The following DISC1 variants were observed in gnomAD, a reference collection of about 807,000 sequenced individuals.
DISC1 encodes DISC1 scaffold protein.
DISC1 carries 57 observed loss-of-function variants against 84.5 expected under a neutral mutation model. The observed-to-expected ratio is 0.67, with a 90% CI of 0.55 to 0.84. The LOEUF is 0.84. Among genes scored for constraint, DISC1 ranks in the 40% least tolerant of loss-of-function variants. The pLI is 0.00. For missense variants in DISC1, 1,000 were observed against 1,057.8 expected, an observed-to-expected ratio of 0.95 and a Z score of 0.76; for synonymous variants, 411 against 415.2, an observed-to-expected ratio of 0.99 and a Z score of 0.12.
At chr1:231,959,958 C>T (rs1660152057) in intron 10 of DISC1, among the ~76,000 whole-genome samples, 8 of 152,142 alleles carry the variant, frequency 5.3e-5, no homozygotes, top group Non-Finnish European at 1.5e-5. Context: ...TAGCCATCAG[C>T]ACAGCACACA....
intron 6 of DISC1, among the ~76,000 whole-genome samples, chr1:231,777,749 G>A (rs1482932794): frequency 6.6e-6 from 1 of 152,150 alleles, no homozygotes; most frequent in East Asian, 1.9e-4. Flanking sequence ...AGTTAGACTG[G>A]TGTTGATACT....
chr1:232,041,012 C>T lies in DISC1; in HGVS notation c.*4181C>T, dbSNP rs1239043728. ...TCAATGCCTTCTTGTATATGTAATTCAATACTTTTACTTTTAATATCCTCA... is the reference window on the plus strand; with the variant it reads ...TCAATGCCTTCTTGTATATGTAATTTAATACTTTTACTTTTAATATCCTCA... On this transcript the variant is annotated 3_prime_UTR_variant, in exon 13 of 13. Coordinates refer to ENST00000439617, the MANE Select transcript of DISC1 (RefSeq NM_018662.3). 1 of 152,120 alleles carries T rather than the reference C, an allele frequency of 6.6e-6. No individual in the cohort carries two copies. The highest frequency in any genetic ancestry group is 1.5e-5 in the Non-Finnish European group (1 of 68,006). The allele number at this position is 152,120 out of a possible 1,614,324, so 9.4% of individuals were successfully genotyped here.
intron 10 of DISC1, among the ~76,000 whole-genome samples, chr1:231,961,650 C>A (rs1660395124): frequency 6.6e-6 from 1 of 152,130 alleles, no homozygotes; most frequent in Non-Finnish European, 1.5e-5. Context: ...TTCGTTCCTA[C>A]ATTAATTTGC....
intron 10 of DISC1, among the ~76,000 whole-genome samples, chr1:231,971,202 A>G (rs943933732): frequency 6.6e-6 from 1 of 152,254 alleles, no homozygotes; most frequent in Non-Finnish European, 1.5e-5. Context: ...ATCTTAAAGA[A>G]AAATTAATTG....
At chr1:231,805,562 AG>A (rs1324239405) in intron 8 of DISC1, among the ~76,000 whole-genome samples, 1 of 152,062 alleles carries the variant, frequency 6.6e-6, no homozygotes, top group African/African-American at 2.4e-5. Flanking sequence ...AGCATCACCA[AG>A]AGGGATGGTG....
intron 10 of DISC1, among the ~76,000 whole-genome samples, chr1:231,969,860 C>T (rs1002818819): frequency 4.0e-5 from 6 of 151,220 alleles, no homozygotes; most frequent in African/African-American, 9.7e-5. Context: ...TTTGGTTTTT[C>T]GTCTTTGCGA....
intron 12 of DISC1, among the ~76,000 whole-genome samples, chr1:232,032,080 C>A (rs368218273): frequency 6.6e-6 from 1 of 152,116 alleles, no homozygotes; most frequent in African/African-American, 2.4e-5. Flanking sequence ...ATACCAAATC[C>A]AAAAATCCCA....
intron 3 of DISC1, chr1:231,722,876 A>G: frequency 7.2e-7 from 1 of 1,381,966 alleles, no homozygotes; most frequent in Non-Finnish European, 9.4e-7. Flanking sequence ...CATGGCATGA[A>G]AAAACCGCTA....
chr1:232,037,958 A>ACAGTGCAGTACTCAGTAAGG lies in DISC1; in HGVS notation c.*1146_*1165dup, dbSNP rs1175287808. 1 of 146,446 alleles carries ACAGTGCAGTACTCAGTAAGG rather than the reference A, an allele frequency of 6.8e-6. No individual in the cohort carries two copies. Among genetic ancestry groups the ACAGTGCAGTACTCAGTAAGG allele is most frequent in the African/African-American group, 2.5e-5 (1 of 40,000 alleles). 9.1% of individuals were successfully genotyped at this position (146,446 alleles called of 1,614,324 possible). A position where few individuals can be genotyped will look rare whatever the true frequency, so the allele number is the denominator to read the frequency against. Reference sequence around the variant, plus strand: ...CTCAGTAACAGTGCAGTACTCAGTAACAGTGCAGTACTCAGTAAGGCAGTG... The same window carrying ACAGTGCAGTACTCAGTAAGG: ...CTCAGTAACAGTGCAGTACTCAGTAACAGTGCAGTACTCAGTAAGGCAGTGCAGTACTCAGTAAGGCAGTG... On this transcript the variant is annotated 3_prime_UTR_variant, in exon 13 of 13. Transcript: ENST00000439617.
chr1:231,770,813 C>G, intron 5 of DISC1, 22 bp from the exon 6 acceptor site: 1 of 1,610,578 alleles, frequency 6.2e-7, no homozygotes, highest in Non-Finnish European at 8.5e-7. Context: ...TTTATAAAAT[C>G]TTGTCTCCTC....
At position 231,696,368 on chromosome 1, in the gene DISC1, AC is replaced by A. The variant is rs541048269; in HGVS notation, c.1047+1565del. 1.9e-3 allele frequency among the ~76,000 whole-genome samples: 284 copies of A among 152,336 alleles called. 1 individual carries two copies. The South Asian group carries it at 0.028, about 15-fold the overall frequency. ...GCATCTAGCAAGTACCCAGAAATTA[AC>A]CATTGTCATCATTAGAGAAATAGCT... On this transcript the variant is annotated intron_variant, in intron 2 of 12. Transcript: ENST00000439617.
intron 6 of DISC1, among the ~76,000 whole-genome samples, chr1:231,772,006 G>A (rs1036209705): frequency 6.6e-6 from 1 of 150,442 alleles, no homozygotes. Context: ...CAGAAATGGT[G>A]TCTCTCTATG....
intron 9 of DISC1, among the ~76,000 whole-genome samples, chr1:231,881,325 A>G (rs2086276828): frequency 6.6e-6 from 1 of 152,218 alleles, no homozygotes; most frequent in Non-Finnish European, 1.5e-5. Context: ...GTCTGAGACC[A>G]AGGCGATGGC....
chr1:231,933,955 G>A (rs201432876), intron 9 of DISC1, among the ~76,000 whole-genome samples: 1 of 152,158 alleles, frequency 6.6e-6, no homozygotes, highest in Non-Finnish European at 1.5e-5. Flanking sequence ...AGGATTCCTG[G>A]TCCGGGCTCC....
rs182546851 is a variant in DISC1, at chr1:231,924,099, G to T, written c.1982-34729G>T. Among the ~76,000 whole-genome samples the T allele has an allele frequency of 6.6e-5, 10 of 152,256 alleles. No homozygotes were observed. In the South Asian group the frequency reaches 8.3e-4, roughly 13 times the overall value. ...AAAGCTCAGTAATGATTGAATCACA[G>T]AATTTAAAGAGCTTGTCGTATAAAT... is the stretch of plus-strand genomic sequence containing the variant. On this transcript the variant is annotated intron_variant, in intron 9 of 12. Transcript: ENST00000439617.
intron 10 of DISC1, among the ~76,000 whole-genome samples, chr1:231,990,407 C>T (rs1665051548): frequency 6.6e-6 from 1 of 152,060 alleles, no homozygotes; most frequent in Admixed American, 6.6e-5. Flanking sequence ...AGGCACCACC[C>T]TCCACAGCTA....
intron 1 of DISC1, among the ~76,000 whole-genome samples, chr1:231,661,331 T>C (rs1346605776): frequency 6.6e-6 from 1 of 152,148 alleles, no homozygotes. Context: ...TATCCTGAAG[T>C]GTGATTTCCA....
At chr1:231,690,878 C>T (rs1326829193) in intron 1 of DISC1, among the ~76,000 whole-genome samples, 1 of 152,090 alleles carries the variant, frequency 6.6e-6, no homozygotes, top group Non-Finnish European at 1.5e-5. Context: ...CTGGGAAGGC[C>T]AGTGGCCAGG....
chr1:231,844,843 C>T (rs1194378268), intron 9 of DISC1, among the ~76,000 whole-genome samples: 1 of 149,176 alleles, frequency 6.7e-6, no homozygotes, highest in Non-Finnish European at 1.5e-5. Flanking sequence ...AGGAGAATGG[C>T]ATGAACCTGG....
Sources: gnomAD v4.1 joint callset for allele counts (sites outside exome capture counted in the v4.1 genomes callset) on GRCh38, gnomAD v4.1.1 for gene constraint, MANE v1.5 for transcripts, NCBI Gene and HGNC (gene_info 2026-07-23, HGNC 2026-07-21) for gene names.